Variants in PATJ observed in about 807,000 individuals in gnomAD.
PATJ encodes inaD-like protein.
Under a neutral mutation model 224.9 loss-of-function variants are expected in PATJ, and 190 were observed. That is an observed-to-expected ratio of 0.84 (90% CI 0.75 to 0.95). The LOEUF is 0.95. PATJ is among the 40% of genes least tolerant of loss of function. PATJ has a pLI of 0.00. For missense variants in PATJ, 2,121 were observed against 2,270.3 expected (o/e 0.93, Z 1.34); for synonymous variants, 769 against 820.3 (o/e 0.94, Z 1.07).
intron 22 of PATJ, among the ~76,000 whole-genome samples, chr1:61,888,705 T>C (rs1043017526): frequency 5.3e-5 from 8 of 152,226 alleles, no homozygotes; most frequent in Admixed American, 2.6e-4. Context: ...CTAAGCAAAC[T>C]TCTAAGTCCA....
intron 17 of PATJ, among the ~76,000 whole-genome samples, chr1:61,851,768 G>A (rs560434992): frequency 1.1e-4 from 17 of 152,152 alleles, no homozygotes; most frequent in Admixed American, 7.8e-4. Context: ...CAGAAGTAAC[G>A]AGAAGCTGAA....
chr1:61,755,325 A>T (rs1033779255), intron 1 of PATJ, among the ~76,000 whole-genome samples: 5 of 143,634 alleles, frequency 3.5e-5, no homozygotes, highest in Admixed American at 3.3e-4. Context: ...AAAAAAAAAG[A>T]GTTTAGGAAA....
chr1:62,016,405 G>A (rs969041479), intron 28 of PATJ, among the ~76,000 whole-genome samples: 5 of 152,158 alleles, frequency 3.3e-5, no homozygotes, highest in Non-Finnish European at 7.3e-5. Context: ...GATGCTAATT[G>A]CAATTCCTTT....
Position 62,128,950 on chromosome 1 carries a change from T to C in PATJ, c.5271+5T>C. The C allele has an allele frequency of 6.3e-7, 1 of 1,584,478 alleles. No homozygotes were observed. The highest frequency in any genetic ancestry group is 8.7e-7 in the Non-Finnish European group (1 of 1,153,674). ...TACGGGCGCATTATCCTGCAGGTAT[T>C]GCGATCAACGGAGCACGCAGCTGTG... On this transcript the variant is annotated splice_donor_5th_base_variant and intron_variant, in intron 41 of 43. Coordinates refer to ENST00000642238, the MANE Select transcript of PATJ (RefSeq NM_001350145.3).
At chr1:61,893,658 C>G (rs1358335930) in intron 22 of PATJ, among the ~76,000 whole-genome samples, 2 of 151,678 alleles carry the variant, frequency 1.3e-5, no homozygotes, top group Admixed American at 1.3e-4. Context: ...AAAAATTAGC[C>G]GGGCATGGTA....
chr1:62,151,573 AGAGC>A lies in PATJ; in HGVS notation c.5379-1781_5379-1778del, dbSNP rs562944875. Among the ~76,000 whole-genome samples the A allele has an allele frequency of 1.7e-3, 263 of 152,330 alleles. 1 individual carries two copies. Among genetic ancestry groups the A allele is most frequent in the Middle Eastern group, 6.8e-3 (2 of 294 alleles). On this transcript the variant is annotated intron_variant, in intron 42 of 43. Transcript: ENST00000642238. ...GCCACTGCACTGCAGCCTGGGTGAC[AGAGC>A]GAGACTCCGTCTCAAAAAAATAAAT...
intron 28 of PATJ, among the ~76,000 whole-genome samples, chr1:62,006,219 A>G (rs756335555): frequency 1.3e-5 from 2 of 152,190 alleles, no homozygotes; most frequent in Non-Finnish European, 2.9e-5. Flanking sequence ...GGTTCAAGCA[A>G]TTCTCCTGTC....
At chr1:62,135,566 T>TA (rs1337987826) in intron 41 of PATJ, among the ~76,000 whole-genome samples, 1 of 140,440 alleles carries the variant, frequency 7.1e-6, no homozygotes, top group Non-Finnish European at 1.5e-5. Flanking sequence ...AAGACAGTGA[T>TA]AAACTGCAGG....
chr1:62,032,288 C>T (rs999170623), intron 29 of PATJ, among the ~76,000 whole-genome samples: 1 of 151,612 alleles, frequency 6.6e-6, no homozygotes, highest in Non-Finnish European at 1.5e-5. Flanking sequence ...CTGAAGCAAA[C>T]AATGGTGCTT....
Position 61,864,408 on chromosome 1 carries a change from T to G in PATJ, c.2610T>G (p.Ile870Met), listed in dbSNP as rs2799627. 1,610,876 of 1,613,990 alleles carry G rather than the reference T, an allele frequency of 1. 803,948 individuals carry two copies. Among genetic ancestry groups the G allele is most frequent in the East Asian group, 1 (44,884 of 44,884 alleles). The change falls in exon 20 of 44, where the codon ATT becomes ATG. Residue 870 changes from isoleucine (I) to methionine (M), a missense_variant. Ile to Met is a conservative substitution (Grantham distance 10, BLOSUM62 1). Coordinates refer to ENST00000642238, the MANE Select transcript of PATJ (RefSeq NM_001350145.3). ...AGGAAATGGATGAAGAAAGAGAAATTCTTGTTGATGAAGAATATGAGTTAT... is the reference window on the plus strand; with the variant it reads ...AGGAAATGGATGAAGAAAGAGAAATGCTTGTTGATGAAGAATATGAGTTAT... ...RLQEMDEEREILVDEEYELYQ... is the reference protein window; with the variant it reads ...RLQEMDEEREMLVDEEYELYQ...
At chr1:61,879,881 C>T (rs1410691123) in intron 21 of PATJ, among the ~76,000 whole-genome samples, 1 of 151,854 alleles carries the variant, frequency 6.6e-6, no homozygotes, top group Non-Finnish European at 1.5e-5. Flanking sequence ...CTCTGTCACC[C>T]AGGCTGGAGT....
chr1:61,818,951 T>C (rs1358451997), intron 14 of PATJ, among the ~76,000 whole-genome samples: 4 of 152,214 alleles, frequency 2.6e-5, no homozygotes, highest in African/African-American at 4.8e-5. Flanking sequence ...ATTATGTAAG[T>C]AGCAAAGATC....
chr1:61,774,332 A>G (rs909278614), intron 6 of PATJ, among the ~76,000 whole-genome samples: 5 of 152,062 alleles, frequency 3.3e-5, no homozygotes, highest in African/African-American at 1.2e-4. Context: ...AGTATGCCCT[A>G]ATGATCTTGA....
chr1:62,000,557 A>G (rs1259693337), intron 28 of PATJ, among the ~76,000 whole-genome samples: 2 of 151,116 alleles, frequency 1.3e-5, no homozygotes, highest in African/African-American at 4.9e-5. Flanking sequence ...ATAGTATTCC[A>G]TGGTGTGCAC....
chr1:62,051,321 G>GT (rs1242148884), intron 31 of PATJ, among the ~76,000 whole-genome samples: 1 of 151,696 alleles, frequency 6.6e-6, no homozygotes, highest in Non-Finnish European at 1.5e-5. Context: ...TTTTGTTTTT[G>GT]TTTTTTGAGA....
At chr1:61,817,248 A>G (rs569048612) in intron 14 of PATJ, among the ~76,000 whole-genome samples, 1 of 152,234 alleles carries the variant, frequency 6.6e-6, no homozygotes, top group East Asian at 1.9e-4. Context: ...AACATAAATT[A>G]TATATAAAAT....
Position 61,885,816 on chromosome 1 carries a change from A to G in PATJ, c.3131+1408A>G, listed in dbSNP as rs1309664629. Among the ~76,000 whole-genome samples the G allele has an allele frequency of 3.1e-4, 47 of 151,896 alleles. No individual in the cohort carries two copies. The South Asian group carries it at 4.2e-3, about 13-fold the overall frequency. On this transcript the variant is annotated intron_variant, in intron 22 of 43. Coordinates refer to ENST00000642238, the MANE Select transcript of PATJ (RefSeq NM_001350145.3). ...TGATAGACTGGATTAAGAAAATGTG[A>G]CACATATACACCATGGAATATTATG...
intron 11 of PATJ, among the ~76,000 whole-genome samples, chr1:61,798,379 G>A (rs1651786657): frequency 6.6e-6 from 1 of 151,502 alleles, no homozygotes; most frequent in South Asian, 2.1e-4. Context: ...TATTTTTTTT[G>A]TAGAGATGGG....
chr1:62,092,005 G>A (rs1455217273), intron 33 of PATJ, among the ~76,000 whole-genome samples: 1 of 149,032 alleles, frequency 6.7e-6, no homozygotes, highest in East Asian at 2.0e-4. Context: ...GCAGTGAGCC[G>A]AGATCGCACC....
Sources: gnomAD v4.1 joint callset for allele counts (sites outside exome capture counted in the v4.1 genomes callset) on GRCh38, gnomAD v4.1.1 for gene constraint, MANE v1.5 for transcripts, NCBI Gene and HGNC (gene_info 2026-07-23, HGNC 2026-07-21) for gene names.